KATNIP: variants seen among roughly 807,000 people sequenced by gnomAD.
The protein encoded by KATNIP is katanin-interacting protein.
KATNIP carries 126 observed loss-of-function variants against 174.0 expected under a neutral mutation model. That is an observed-to-expected ratio of 0.72 (90% CI 0.63 to 0.84). The LOEUF (loss-of-function observed/expected upper bound fraction) is 0.84. KATNIP is among the 40% of genes least tolerant of loss of function. The pLI is 0.00. For synonymous variants in KATNIP, 810 were observed against 835.7 expected, an observed-to-expected ratio of 0.97 and a Z score of 0.53; for missense variants, 1,958 against 2,109.7, an observed-to-expected ratio of 0.93 and a Z score of 1.41.
chr16:27,726,367 C>G (rs1232392842), intron 14 of KATNIP, among the ~76,000 whole-genome samples: 1 of 152,178 alleles, frequency 6.6e-6, no homozygotes, highest in African/African-American at 2.4e-5. Flanking sequence ...GTAGACATGT[C>G]CTGTATCTGC....
rs201341558 is a variant in KATNIP at position 27,704,000 on chromosome 16, T to C, written c.1389+2T>C. On this transcript the variant is annotated splice_donor_variant, in intron 12 of 27. Coordinates refer to ENST00000261588, the MANE Select transcript of KATNIP (RefSeq NM_015202.5). LOFTEE classifies it high-confidence loss of function. ...AAGGAGCAAGTATCAGACACAGAGG[T>C]GAGAGCCTTGACTTGATTTTCAGTT... is the stretch of plus-strand genomic sequence containing the variant. 1.4e-4 allele frequency: 218 copies of C among 1,611,222 alleles called. No homozygotes were observed. Among genetic ancestry groups the C allele is most frequent in the Non-Finnish European group, 1.7e-4 (199 of 1,177,586 alleles).
At chr16:27,696,438 A>G (rs1399991770) in intron 8 of KATNIP, among the ~76,000 whole-genome samples, 2 of 152,148 alleles carry the variant, frequency 1.3e-5, no homozygotes, top group Non-Finnish European at 2.9e-5. Flanking sequence ...TAATTTCATC[A>G]CCCAGGTAAT....
At chr16:27,729,562 T>G (rs1042810658) in intron 14 of KATNIP, among the ~76,000 whole-genome samples, 1 of 152,234 alleles carries the variant, frequency 6.6e-6, no homozygotes, top group African/African-American at 2.4e-5. Context: ...CACATGCTGT[T>G]GAATTTATTC....
At chr16:27,569,003 A>G (rs1331529350) in intron 1 of KATNIP, among the ~76,000 whole-genome samples, 3 of 152,180 alleles carry the variant, frequency 2.0e-5, no homozygotes, top group Non-Finnish European at 4.4e-5. Flanking sequence ...TTACAATATG[A>G]ATAGTTTAAT....
intron 18 of KATNIP, among the ~76,000 whole-genome samples, chr16:27,758,218 A>ACTGATC (rs1404837069): frequency 1.3e-5 from 2 of 152,306 alleles, no homozygotes; most frequent in East Asian, 3.9e-4. Context: ...GATCTCCATC[A>ACTGATC]TCCAAATCCA....
At chr16:27,741,692 C>T (rs1046760546) in intron 15 of KATNIP, among the ~76,000 whole-genome samples, 1 of 152,154 alleles carries the variant, frequency 6.6e-6, no homozygotes, top group Non-Finnish European at 1.5e-5. Flanking sequence ...AACCTGAGGC[C>T]AGGAGTTCGA....
At chr16:27,618,790 G>T (rs2076115542) in intron 3 of KATNIP, among the ~76,000 whole-genome samples, 1 of 152,182 alleles carries the variant, frequency 6.6e-6, no homozygotes, top group African/African-American at 2.4e-5. Flanking sequence ...CTTGGATTTG[G>T]CAGGGCTTGT....
At chr16:27,666,873 G>A (rs982351306) in intron 6 of KATNIP, among the ~76,000 whole-genome samples, 19 of 152,078 alleles carry the variant, frequency 1.2e-4, no homozygotes, top group African/African-American at 9.7e-5. Flanking sequence ...CAAGCCCTAA[G>A]TTTGGGTTTT....
chr16:27,560,520 C>A (rs1321896875), intron 1 of KATNIP, among the ~76,000 whole-genome samples: 1 of 152,154 alleles, frequency 6.6e-6, no homozygotes, highest in Non-Finnish European at 1.5e-5. Context: ...CCTTTGCAGG[C>A]ATCTGAGATT....
Position 27,571,390 on chromosome 16 carries a change from A to G in KATNIP, c.8-2511A>G, listed in dbSNP as rs931807684. On this transcript the variant is annotated intron_variant, in intron 1 of 27. Coordinates refer to ENST00000261588, the MANE Select transcript of KATNIP (RefSeq NM_015202.5). Reference sequence around the variant, plus strand: ...ATTTTTTAAACTGTTCTTTATTAGTATAACATAATTTTAGAGATGAAAAGC... The same window carrying G: ...ATTTTTTAAACTGTTCTTTATTAGTGTAACATAATTTTAGAGATGAAAAGC... 5.3e-5 allele frequency among the ~76,000 whole-genome samples: 8 copies of G among 152,058 alleles called. No homozygotes were observed. In the East Asian group the frequency reaches 9.6e-4, roughly 18 times the overall value.
At chr16:27,569,391 A>G (rs4787972) in intron 1 of KATNIP, among the ~76,000 whole-genome samples, 2,876 of 152,364 alleles carry the variant, frequency 0.019, 35 homozygotes, top group Non-Finnish European at 0.029. Context: ...AATTCAATGC[A>G]GTCACTTCTT....
chr16:27,729,577 G>C (rs2080580922), intron 14 of KATNIP, among the ~76,000 whole-genome samples: 1 of 152,144 alleles, frequency 6.6e-6, no homozygotes, highest in South Asian at 2.1e-4. Context: ...TTATTCATCA[G>C]CTTCCAAACT....
At chr16:27,674,235 C>T (rs2078026088) in intron 6 of KATNIP, among the ~76,000 whole-genome samples, 1 of 152,238 alleles carries the variant, frequency 6.6e-6, no homozygotes, top group African/African-American at 2.4e-5. Flanking sequence ...CTATTTGCTG[C>T]TGTAACAACT....
rs916649191 is a variant in KATNIP at position 27,776,602 on chromosome 16, A to C, written c.4450-326A>C. 1.1e-4 allele frequency among the ~76,000 whole-genome samples: 17 copies of C among 151,976 alleles called. No individual in the cohort carries two copies. Among genetic ancestry groups the C allele is most frequent in the African/African-American group, 4.1e-4 (17 of 41,332 alleles). On this transcript the variant is annotated intron_variant, in intron 24 of 27. Coordinates refer to ENST00000261588, the MANE Select transcript of KATNIP (RefSeq NM_015202.5). This position sits in a 1 kb window ranked among gnomAD's most constrained non-coding sequence, Gnocchi z 4.7. ...CCTTTAGCTCATGGGGCTCTAGACTATTTCTGGGCCTGACCTGAGGGGACG... is the reference window on the plus strand; with the variant it reads ...CCTTTAGCTCATGGGGCTCTAGACTCTTTCTGGGCCTGACCTGAGGGGACG...
intron 6 of KATNIP, among the ~76,000 whole-genome samples, chr16:27,667,445 C>T (rs1393845880): frequency 1.3e-5 from 2 of 152,072 alleles, no homozygotes; most frequent in Non-Finnish European, 2.9e-5. Context: ...GTGTAAAATG[C>T]CTCATATAGT....
intron 2 of KATNIP, among the ~76,000 whole-genome samples, chr16:27,594,740 C>T (rs1485257873): frequency 2.0e-5 from 3 of 152,242 alleles, no homozygotes; most frequent in South Asian, 2.1e-4. Flanking sequence ...GGTGTGAGAC[C>T]GTGCCTGTCC....
chr16:27,668,661 C>T (rs1435274225), intron 6 of KATNIP, among the ~76,000 whole-genome samples: 8 of 152,160 alleles, frequency 5.3e-5, no homozygotes, highest in Non-Finnish European at 8.8e-5. Context: ...TTAAGTCCTC[C>T]AGGCCTGTAA....
chr16:27,671,097 G>T (rs2077884212), intron 6 of KATNIP, among the ~76,000 whole-genome samples: 1 of 152,156 alleles, frequency 6.6e-6, no homozygotes, highest in African/African-American at 2.4e-5. Flanking sequence ...GGAGGCTGAG[G>T]CAGGAGAATC....
chr16:27,617,757 C>A (rs898655078), intron 2 of KATNIP, among the ~76,000 whole-genome samples: 1 of 151,874 alleles, frequency 6.6e-6, no homozygotes, highest in Non-Finnish European at 1.5e-5. Context: ...CCTTTTTGTT[C>A]TTTGAGACAC....
Sources: allele counts gnomAD v4.1 joint callset (sites outside exome capture counted in the v4.1 genomes callset), GRCh38; gene constraint gnomAD v4.1.1; non-coding constraint Gnocchi (gnomAD v3.1); transcripts MANE v1.5; gene names NCBI Gene and HGNC (gene_info 2026-07-23, HGNC 2026-07-21).